The following RSF1 variants were observed in gnomAD, a reference collection of about 807,000 sequenced individuals.
The protein encoded by RSF1 is HBV pX-associated protein 8.
Under a neutral mutation model 145.2 loss-of-function variants are expected in RSF1, and 13 were observed. That is an observed-to-expected ratio of 0.09 (90% confidence interval 0.06 to 0.14). The LOEUF (loss-of-function observed/expected upper bound fraction) is 0.14, where lower values mean the gene tolerates loss of function less well. RSF1 is among the 10% of genes least tolerant of loss of function. RSF1 has a pLI of 1.00. For synonymous variants in RSF1, 577 were observed against 592.6 expected (o/e 0.97, Z 0.38); for missense variants, 1,517 against 1,718.2 (o/e 0.88, Z 2.07).
chr11:77,736,771 A>G (rs1410853531), intron 4 of RSF1, among the ~76,000 whole-genome samples: 1 of 152,200 alleles, frequency 6.6e-6, no homozygotes, highest in African/African-American at 2.4e-5. Context: ...ATATTCACCT[A>G]AAATCTATTC....
At chr11:77,777,007 T>C (rs1269165702) in intron 1 of RSF1, among the ~76,000 whole-genome samples, 3 of 152,056 alleles carry the variant, frequency 2.0e-5, no homozygotes, top group Non-Finnish European at 2.9e-5. Flanking sequence ...ACTAAACCAT[T>C]TTTTAAAAAA....
intron 1 of RSF1, among the ~76,000 whole-genome samples, chr11:77,792,753 T>C (rs79441227): frequency 5.1e-5 from 7 of 138,336 alleles, no homozygotes; most frequent in Non-Finnish European, 7.8e-5. Flanking sequence ...AAAAAAAAAC[T>C]GCCAATCAAG....
At position 77,675,292 on chromosome 11, in the gene RSF1, T is replaced by G. The variant is rs375577559; in HGVS notation, c.3342-36A>C. 6 of 1,545,234 alleles carry G rather than the reference T, an allele frequency of 3.9e-6. No individual in the cohort carries two copies. The African/African-American group carries it at 8.3e-5, about 21-fold the overall frequency. ...GAAATCAGATAAAATACAATGGTATTTAGAAGAGTGAACCCATTTTTAAGA... is the reference window on the plus strand; with the variant it reads ...GAAATCAGATAAAATACAATGGTATGTAGAAGAGTGAACCCATTTTTAAGA... On this transcript the variant is annotated intron_variant, in intron 13 of 15. Transcript: ENST00000308488.
chr11:77,716,758 T>C (rs577550643), intron 5 of RSF1, among the ~76,000 whole-genome samples: 1 of 152,312 alleles, frequency 6.6e-6, no homozygotes, highest in South Asian at 2.1e-4. Context: ...CTTTAAGTGC[T>C]CTCATCACAA....
At chr11:77,867,594 T>C in the RSF1 span, among the ~76,000 whole-genome samples, 191 of 152,330 alleles carry the variant, frequency 1.3e-3, no homozygotes, top group African/African-American at 4.4e-3. Flanking sequence ...GATAGAGGTA[T>C]ATGGGTCAGG....
In RSF1 at chr11:77,732,806, T is replaced by C. The variant is rs1007662534; in HGVS notation, c.579-7107A>G. On this transcript the variant is annotated intron_variant, in intron 4 of 15. Coordinates refer to ENST00000308488, the MANE Select transcript of RSF1 (RefSeq NM_016578.4). ...CAATTAAACCTCTTTCTTTTGCAAA[T>C]TGCCCAGTCTTGGGTATGTCTTTAT... is the stretch of plus-strand genomic sequence containing the variant. Among the ~76,000 whole-genome samples, 44 of 152,160 alleles carry C rather than the reference T, an allele frequency of 2.9e-4. 1 individual carries two copies. The highest frequency in any genetic ancestry group is 2.9e-3 in the Admixed American group (44 of 15,272).
chr11:77,785,539 G>A (rs1013452790), intron 1 of RSF1, among the ~76,000 whole-genome samples: 15 of 151,640 alleles, frequency 9.9e-5, no homozygotes, highest in Admixed American at 2.0e-4. Context: ...GCAGTGAGCC[G>A]AGCTCATGCC....
chr11:77,667,534 T>A, intron 15 of RSF1, 43 bp from the exon 16 acceptor site: 1 of 1,510,528 alleles, frequency 6.6e-7, no homozygotes, highest in Non-Finnish European at 9.0e-7. Flanking sequence ...CGGTTAACCA[T>A]AAACGAATTT....
the RSF1 span, among the ~76,000 whole-genome samples, chr11:77,854,947 C>G: frequency 6.6e-6 from 1 of 152,210 alleles, no homozygotes; most frequent in Non-Finnish European, 1.5e-5. Flanking sequence ...GGCTCCCAAG[C>G]CTCAATTGTC....
the RSF1 span, among the ~76,000 whole-genome samples, chr11:77,853,026 G>A: frequency 5.3e-5 from 8 of 151,604 alleles, no homozygotes; most frequent in Non-Finnish European, 1.2e-4. Flanking sequence ...TTTTTGTATT[G>A]TTGAAAGTGT....
At chr11:77,691,042 T>A (rs1960138721) in intron 9 of RSF1, 117 bp downstream of exon 9, 1 of 876,446 alleles carries the variant, frequency 1.1e-6, no homozygotes, top group Non-Finnish European at 1.8e-6. Context: ...GAGGCTGGAT[T>A]TGGCCCACAG....
intron 4 of RSF1, chr11:77,735,067 C>A (rs554507764): frequency 1.7e-6 from 2 of 1,187,570 alleles, no homozygotes; most frequent in African/African-American, 1.5e-5. Context: ...GCAGTGGCTG[C>A]GTGGCGCTGG....
At chr11:77,745,266 T>C (rs1161923966) in intron 3 of RSF1, among the ~76,000 whole-genome samples, 1 of 152,144 alleles carries the variant, frequency 6.6e-6, no homozygotes, top group Admixed American at 6.5e-5. Context: ...CTAGTCTCTA[T>C]TTCATTTAAT....
At chr11:77,754,673 G>A (rs1948098333) in intron 2 of RSF1, among the ~76,000 whole-genome samples, 3 of 152,124 alleles carry the variant, frequency 2.0e-5, no homozygotes, top group Admixed American at 6.5e-5. Context: ...AAGCCAGGGA[G>A]ATGGTGGCTG....
intron 15 of RSF1, among the ~76,000 whole-genome samples, chr11:77,669,058 C>A (rs1248345605): frequency 6.6e-6 from 1 of 152,210 alleles, no homozygotes; most frequent in African/African-American, 2.4e-5. Flanking sequence ...CTTAAACCTG[C>A]AGCCCTGTGG....
At chr11:77,745,697 A>T (rs1186421103) in intron 3 of RSF1, among the ~76,000 whole-genome samples, 2 of 151,180 alleles carry the variant, frequency 1.3e-5, no homozygotes, top group Non-Finnish European at 2.9e-5. Context: ...CTCTTAATAA[A>T]AAGATATTCA....
At chr11:77,776,679 C>T (rs1948345669) in intron 1 of RSF1, among the ~76,000 whole-genome samples, 1 of 152,156 alleles carries the variant, frequency 6.6e-6, no homozygotes, top group Non-Finnish European at 1.5e-5. Context: ...AAAATTCTGA[C>T]ACCTTATTTG....
intron 1 of RSF1, among the ~76,000 whole-genome samples, chr11:77,802,871 A>G (rs1296129901): frequency 5.9e-5 from 9 of 152,066 alleles, no homozygotes; most frequent in Admixed American, 3.9e-4. Context: ...ACAAGAAAAA[A>G]ACTTTCAACA....
chr11:77,713,031 C>T (rs1375579280), intron 5 of RSF1, among the ~76,000 whole-genome samples: 4 of 152,170 alleles, frequency 2.6e-5, no homozygotes, highest in Non-Finnish European at 5.9e-5. Context: ...GTTCCTCTTA[C>T]AGGAGAATGA....
Sources: allele counts gnomAD v4.1 joint callset (sites outside exome capture counted in the v4.1 genomes callset), GRCh38; gene constraint gnomAD v4.1.1; transcripts MANE v1.5; gene names NCBI Gene and HGNC (gene_info 2026-07-23, HGNC 2026-07-21).